The following GALNT7 variants were observed in gnomAD, a reference collection of about 807,000 sequenced individuals.
The protein encoded by GALNT7 is N-acetylgalactosaminyltransferase 7.
A neutral mutation model predicts 82.1 loss-of-function variants in GALNT7; 60 were observed. The observed-to-expected ratio is 0.73, with a 90% CI of 0.59 to 0.91. GALNT7 has a LOEUF of 0.91. Ranked by LOEUF, GALNT7 falls within the 40% of genes least tolerant of loss-of-function variation. The pLI is 0.00. For synonymous variants in GALNT7, 243 were observed against 275.1 expected, an observed-to-expected ratio of 0.88 and a Z score of 1.15; for missense variants, 660 against 804.2, an observed-to-expected ratio of 0.82 and a Z score of 2.17.
intron 1 of GALNT7, among the ~76,000 whole-genome samples, chr4:173,175,398 C>T (rs1327793306): frequency 6.6e-6 from 1 of 152,224 alleles, no homozygotes; most frequent in Admixed American, 6.5e-5. Context: ...GAGGTGAACT[C>T]TTTGTCCAAG....
chr4:173,247,018 A>G (rs1427254306), intron 1 of GALNT7, among the ~76,000 whole-genome samples: 1 of 152,088 alleles, frequency 6.6e-6, no homozygotes, highest in Non-Finnish European at 1.5e-5. Context: ...ATGTATATTA[A>G]ATCACCAGGA....
intron 2 of GALNT7, among the ~76,000 whole-genome samples, chr4:173,281,319 TCCTTTCCTCA>T (rs1736100473): frequency 2.0e-5 from 3 of 152,138 alleles, no homozygotes; most frequent in African/African-American, 7.2e-5. Flanking sequence ...GGACCAACGG[TCCTTTCCTCA>T]CCAGACCCAC....
At chr4:173,237,670 G>A (rs1056909835) in intron 1 of GALNT7, among the ~76,000 whole-genome samples, 1 of 151,616 alleles carries the variant, frequency 6.6e-6, no homozygotes, top group South Asian at 2.1e-4. Flanking sequence ...TAAACTGTTT[G>A]CTTGGCTTTG....
chr4:173,291,794 G>GAA (rs769433577), intron 2 of GALNT7, among the ~76,000 whole-genome samples: 54 of 101,800 alleles, frequency 5.3e-4, no homozygotes, highest in African/African-American at 1.6e-3. Flanking sequence ...TCCAGGTCAT[G>GAA]AAAAAAAAAA....
At chr4:173,297,677 A>T in intron 5 of GALNT7, 1 of 473,272 alleles carries the variant, frequency 2.1e-6, no homozygotes, top group Non-Finnish European at 3.6e-6. Context: ...ATTTCCCATT[A>T]GATATTAAAG....
intron 11 of GALNT7, among the ~76,000 whole-genome samples, chr4:173,321,119 C>T (rs1045678255): frequency 6.6e-6 from 1 of 152,102 alleles, no homozygotes; most frequent in African/African-American, 2.4e-5. Context: ...AAGAAACCTA[C>T]AGCATATGGT....
In GALNT7 at chr4:173,298,242, G is replaced by C. The variant is rs1430181798; in HGVS notation, c.1093G>C (p.Val365Leu). 5.0e-6 allele frequency: 8 copies of C among 1,611,452 alleles called. No homozygotes were observed. Among genetic ancestry groups the C allele is most frequent in the Middle Eastern group, 1.7e-4 (1 of 6,038 alleles). Residue 365 changes from valine to leucine, a missense_variant, in exon 6 of 12, where the codon GTG becomes CTG. Physicochemically the swap from Val to Leu is conservative, Grantham distance 32. Around this residue, in one of 2 missense-constraint regions of GALNT7, gnomAD observed 527 missense variants for 683.5 expected, o/e 0.77. Coordinates refer to ENST00000265000, the MANE Select transcript of GALNT7 (RefSeq NM_017423.3). ...GGATTGGAGTATGCTCTGGAAACGGGTGCCTCTGACCCCTCAAGAGAAGAG... is the reference window on the plus strand; with the variant it reads ...GGATTGGAGTATGCTCTGGAAACGGCTGCCTCTGACCCCTCAAGAGAAGAG... ...AWDWSMLWKRVPLTPQEKRLR... is the reference protein window; with the variant it reads ...AWDWSMLWKRLPLTPQEKRLR...
At chr4:173,215,829 G>T (rs1733428948) in intron 1 of GALNT7, among the ~76,000 whole-genome samples, 3 of 152,180 alleles carry the variant, frequency 2.0e-5, no homozygotes, top group South Asian at 2.1e-4. Flanking sequence ...GCTTTAAAAG[G>T]CCGGGTGCAG....
At chr4:173,186,049 A>G (rs556967846) in intron 1 of GALNT7, among the ~76,000 whole-genome samples, 1 of 152,380 alleles carries the variant, frequency 6.6e-6, no homozygotes, top group South Asian at 2.1e-4. Context: ...TATGTGCCAC[A>G]TAAAAGGAGG....
intron 2 of GALNT7, among the ~76,000 whole-genome samples, chr4:173,279,976 T>C (rs1270475144): frequency 6.7e-6 from 1 of 150,144 alleles, no homozygotes; most frequent in Non-Finnish European, 1.5e-5. Flanking sequence ...TCTGTCTCAA[T>C]AAAAAGGAAA....
At chr4:173,299,851 CA>C (rs537370642) in intron 6 of GALNT7, among the ~76,000 whole-genome samples, 144 of 128,432 alleles carry the variant, frequency 1.1e-3, no homozygotes, top group Admixed American at 1.2e-3. Flanking sequence ...GTCTCAAAAA[CA>C]AAAAAAAAAA....
At chr4:173,194,071 T>C (rs1732702813) in intron 1 of GALNT7, among the ~76,000 whole-genome samples, 1 of 152,186 alleles carries the variant, frequency 6.6e-6, no homozygotes, top group African/African-American at 2.4e-5. Context: ...TTTTTGATAG[T>C]CTAGGAACCA....
At chr4:173,259,312 G>C (rs1029609348) in intron 2 of GALNT7, among the ~76,000 whole-genome samples, 2 of 152,180 alleles carry the variant, frequency 1.3e-5, no homozygotes, top group Admixed American at 1.3e-4. Flanking sequence ...GATTAGTGGA[G>C]GGGGTTACAT....
chr4:173,294,323 GA>G (rs1205092729), intron 3 of GALNT7, among the ~76,000 whole-genome samples: 1 of 151,372 alleles, frequency 6.6e-6, no homozygotes, highest in Non-Finnish European at 1.5e-5. Context: ...TTTCTGAGGG[GA>G]AAAAACATGA....
At chr4:173,274,928 C>T (rs1735847304) in intron 2 of GALNT7, among the ~76,000 whole-genome samples, 1 of 152,216 alleles carries the variant, frequency 6.6e-6, no homozygotes, top group Admixed American at 6.5e-5. Context: ...CTGCTGTCGT[C>T]TCCTCTGCTG....
chr4:173,273,564 A>G (rs570670230), intron 2 of GALNT7, among the ~76,000 whole-genome samples: 1 of 152,266 alleles, frequency 6.6e-6, no homozygotes, highest in East Asian at 1.9e-4. Flanking sequence ...ATTCAAGCCA[A>G]TATTGTGATT....
At chr4:173,190,682 C>T (rs939474096) in intron 1 of GALNT7, among the ~76,000 whole-genome samples, 2 of 151,734 alleles carry the variant, frequency 1.3e-5, no homozygotes, top group African/African-American at 4.8e-5. Flanking sequence ...TTTTTTAATG[C>T]GTTCATTATT....
chr4:173,316,718 T>G (rs954934879), intron 9 of GALNT7: 2 of 152,266 alleles, frequency 1.3e-5, no homozygotes, highest in Admixed American at 1.3e-4. Context: ...ATCTTCAGTT[T>G]AACCTCTTCC....
At chr4:173,306,849 T>A (rs1737172212) in intron 8 of GALNT7, among the ~76,000 whole-genome samples, 1 of 152,230 alleles carries the variant, frequency 6.6e-6, no homozygotes, top group South Asian at 2.1e-4. Flanking sequence ...TATGTCCTCT[T>A]CATTTTTCAG....
Sources: gnomAD v4.1 joint callset for allele counts (sites outside exome capture counted in the v4.1 genomes callset) on GRCh38, gnomAD v4.1.1 for gene constraint, gnomAD v4.1.1 regional missense constraint, MANE v1.5 for transcripts, NCBI Gene and HGNC (gene_info 2026-07-23, HGNC 2026-07-21) for gene names.